Variants in DNAH14 observed in about 807,000 individuals in gnomAD.
DNAH14 encodes dynein axonemal heavy chain 14, also known as axonemal beta dynein heavy chain 14.
In DNAH14, 478 loss-of-function variants were observed where a neutral mutation model predicts 520.9. The observed-to-expected ratio is 0.92, with a 90% CI of 0.85 to 0.99. The LOEUF (loss-of-function observed/expected upper bound fraction) is 0.99, where lower values mean the gene tolerates loss of function less well. Ranked by LOEUF, DNAH14 falls within the 50% of genes least tolerant of loss-of-function variation. DNAH14 has a pLI of 0.00. For missense variants in DNAH14, 4,831 were observed against 5,234.5 expected (o/e 0.92, Z 2.38); for synonymous variants, 1,581 against 1,757.2 (o/e 0.90, Z 2.51).
intron 23 of DNAH14, among the ~76,000 whole-genome samples, chr1:225,104,928 C>G (rs1188836980): frequency 1.3e-5 from 2 of 152,118 alleles, no homozygotes; most frequent in African/African-American, 4.8e-5. Flanking sequence ...CTTCTGCAAG[C>G]TTTTGAATGT....
At chr1:225,226,445 A>C (rs897876736) in intron 41 of DNAH14, among the ~76,000 whole-genome samples, 1 of 152,212 alleles carries the variant, frequency 6.6e-6, no homozygotes, top group African/African-American at 2.4e-5. Flanking sequence ...AGGCAACACT[A>C]CCAATGCCAC....
rs1413866157 is a variant in DNAH14 at position 225,394,462 on chromosome 1, T to C, written c.13491+2011T>C. ...TTTTTATGTTCTGTTTAAGAAATCT[T>C]TGCCTACCCTAAACTAAGTTCATGA... On this transcript the variant is annotated intron_variant, in intron 84 of 85. Coordinates refer to ENST00000682510, the MANE Select transcript of DNAH14 (RefSeq NM_001367479.1). 2.0e-5 allele frequency among the ~76,000 whole-genome samples: 3 copies of C among 152,246 alleles called. No homozygotes were observed. The East Asian group carries it at 5.8e-4, about 29-fold the overall frequency.
At chr1:225,217,328 C>A (rs2089497356) in intron 41 of DNAH14, among the ~76,000 whole-genome samples, 2 of 152,198 alleles carry the variant, frequency 1.3e-5, no homozygotes, top group Non-Finnish European at 2.9e-5. Flanking sequence ...AGGTGTCTCC[C>A]AGTTAGGCTC....
intron 10 of DNAH14, among the ~76,000 whole-genome samples, chr1:225,010,304 A>AT (rs1382252033): frequency 1.3e-5 from 2 of 152,122 alleles, no homozygotes; most frequent in African/African-American, 2.4e-5. Flanking sequence ...TTTAGCATGA[A>AT]GGGGTGTTTA....
At chr1:225,168,331 G>A (rs77776520) in intron 36 of DNAH14, among the ~76,000 whole-genome samples, 8,597 of 152,186 alleles carry the variant, frequency 0.056, 484 homozygotes, top group East Asian at 0.24. Flanking sequence ...TGCAGCGAGC[G>A]TGAGCCGAAG....
chr1:225,336,346 T>A (rs924448004), intron 66 of DNAH14, among the ~76,000 whole-genome samples: 1 of 151,984 alleles, frequency 6.6e-6, no homozygotes, highest in African/African-American at 2.4e-5. Context: ...ACAAAATAGA[T>A]GTTAAGGCAT....
At chr1:225,115,571 G>A (rs1305970251) in intron 23 of DNAH14, among the ~76,000 whole-genome samples, 2 of 152,080 alleles carry the variant, frequency 1.3e-5, no homozygotes, top group African/African-American at 2.4e-5. Flanking sequence ...AACAACTATA[G>A]GCAATCACAG....
chr1:225,106,079 G>A (rs999448575), intron 23 of DNAH14, among the ~76,000 whole-genome samples: 2 of 146,194 alleles, frequency 1.4e-5, no homozygotes, highest in Non-Finnish European at 2.9e-5. Flanking sequence ...CAGGCCTGGT[G>A]GTGACAAAAT....
intron 9 of DNAH14, among the ~76,000 whole-genome samples, chr1:225,003,588 G>T (rs972802848): frequency 1.3e-5 from 2 of 152,028 alleles, no homozygotes; most frequent in Non-Finnish European, 2.9e-5. Context: ...ATCAATACTT[G>T]TAAATCAACA....
chr1:225,077,364 T>G (rs1325821012), intron 17 of DNAH14, among the ~76,000 whole-genome samples: 2 of 152,354 alleles, frequency 1.3e-5, no homozygotes, highest in East Asian at 3.9e-4. Context: ...TTTACCATCC[T>G]TATCTGGTTT....
intron 8 of DNAH14, among the ~76,000 whole-genome samples, chr1:224,987,809 G>A (rs567783621): frequency 6.6e-6 from 1 of 152,072 alleles, no homozygotes; most frequent in African/African-American, 2.4e-5. Flanking sequence ...TGTATTTTTA[G>A]TAGAGATGAG....
At chr1:225,115,326 T>C in intron 23 of DNAH14, among the ~76,000 whole-genome samples, 1 of 151,058 alleles carries the variant, frequency 6.6e-6, no homozygotes, top group East Asian at 1.9e-4. Flanking sequence ...TGATAAATTC[T>C]GCAAAAGTTG....
chr1:225,184,747 A>T (rs529838507), intron 36 of DNAH14, among the ~76,000 whole-genome samples: 14 of 151,930 alleles, frequency 9.2e-5, no homozygotes, highest in Admixed American at 2.0e-4. Context: ...AACATATCTT[A>T]AAAAAAAGAG....
intron 38 of DNAH14, 56 bp downstream of exon 38, chr1:225,192,967 C>T: frequency 3.0e-6 from 4 of 1,324,728 alleles, no homozygotes; most frequent in Non-Finnish European, 4.2e-6. Context: ...TATTTAATTG[C>T]TTATCCAAAG....
intron 27 of DNAH14, among the ~76,000 whole-genome samples, chr1:225,137,033 TG>T (rs1559071565): frequency 6.6e-6 from 1 of 152,218 alleles, no homozygotes; most frequent in African/African-American, 2.4e-5. Context: ...TTGGCTGTTC[TG>T]GCTATCAGCT....
chr1:225,201,489 T>G (rs1258866516), intron 38 of DNAH14, among the ~76,000 whole-genome samples: 2 of 152,154 alleles, frequency 1.3e-5, no homozygotes, highest in African/African-American at 4.8e-5. Context: ...CTCATTTGGG[T>G]AGGCTCTGTC....
rs997277578 is a variant in DNAH14, at chr1:225,197,851, G to A, written c.5886+4940G>A. On this transcript the variant is annotated intron_variant, in intron 38 of 85. Coordinates refer to ENST00000682510, the MANE Select transcript of DNAH14 (RefSeq NM_001367479.1). ...GATTCTCAGCTTGGTTACTGTTGGT[G>A]TATAGAAGAGCTACTGATTTGCGTG... Among the ~76,000 whole-genome samples the A allele has an allele frequency of 3.3e-5, 5 of 152,182 alleles. 1 individual carries two copies. The highest frequency in any genetic ancestry group is 1.2e-4 in the African/African-American group (5 of 41,444).
Position 225,232,497 on chromosome 1 carries a change from GA to G in DNAH14, c.6518+1354del, listed in dbSNP as rs952259909. On this transcript the variant is annotated intron_variant, in intron 42 of 85. Coordinates refer to ENST00000682510, the MANE Select transcript of DNAH14 (RefSeq NM_001367479.1). This position sits in a 1 kb window ranked among gnomAD's most constrained non-coding sequence, Gnocchi z 4.2. ...ACTTCCCATTACTCTCAAAGTGGAA[GA>G]AAAAAAATCTTGGTACAGCCTAAAA... Among the ~76,000 whole-genome samples the G allele has an allele frequency of 1.3e-5, 2 of 151,866 alleles. No homozygotes were observed. The highest frequency in any genetic ancestry group is 2.9e-5 in the Non-Finnish European group (2 of 67,946).
intron 83 of DNAH14, among the ~76,000 whole-genome samples, 183 bp downstream of exon 83, chr1:225,390,056 C>T (rs996091316): frequency 2.0e-5 from 3 of 152,078 alleles, no homozygotes; most frequent in African/African-American, 7.2e-5. Context: ...CCTTCCCTCA[C>T]CCCAACCTCC....
Sources: gnomAD v4.1 joint callset for allele counts (sites outside exome capture counted in the v4.1 genomes callset) on GRCh38, gnomAD v4.1.1 for gene constraint, Gnocchi (gnomAD v3.1) non-coding constraint, MANE v1.5 for transcripts, NCBI Gene and HGNC (gene_info 2026-07-23, HGNC 2026-07-21) for gene names.